Variants in DLG2 observed in about 807,000 individuals in gnomAD.
DLG2 encodes disks large homolog 2.
Under a neutral mutation model 132.5 loss-of-function variants are expected in DLG2, and 45 were observed. The observed-to-expected ratio is 0.34, with a 90% CI of 0.27 to 0.44. DLG2 has a LOEUF of 0.44. Among genes scored for constraint, DLG2 ranks in the 20% least tolerant of loss-of-function variants. DLG2 has a pLI of 1.00. For synonymous variants in DLG2, 424 were observed against 419.6 expected (o/e 1.01, Z -0.13); for missense variants, 1,045 against 1,196.9 (o/e 0.87, Z 1.87).
intron 6 of DLG2, among the ~76,000 whole-genome samples, chr11:84,961,038 A>T (rs1234922458): frequency 6.6e-6 from 1 of 152,062 alleles, no homozygotes; most frequent in African/African-American, 2.4e-5. Flanking sequence ...CTGTAGTTAT[A>T]TATTGAAATG....
chr11:84,268,187 C>T (rs904986868), intron 7 of DLG2, among the ~76,000 whole-genome samples: 1 of 152,180 alleles, frequency 6.6e-6, no homozygotes, highest in African/African-American at 2.4e-5. Context: ...AAAACTGTCT[C>T]AAGACTTTTC....
intron 3 of DLG2, among the ~76,000 whole-genome samples, chr11:85,458,088 G>T (rs1251213564): frequency 6.6e-6 from 1 of 151,830 alleles, no homozygotes; most frequent in Admixed American, 6.6e-5. Context: ...CATAGATTTG[G>T]TTTCTTTACA....
intron 19 of DLG2, chr11:83,632,693 A>G (rs2063776213): frequency 6.7e-6 from 1 of 149,922 alleles, no homozygotes; most frequent in African/African-American, 2.4e-5. Flanking sequence ...ATGGTCTGAG[A>G]AAAAAACTGG....
intron 24 of DLG2, 43 bp from the exon 25 acceptor site, chr11:83,469,416 C>G (rs757300559): frequency 2.0e-6 from 3 of 1,518,446 alleles, no homozygotes; most frequent in South Asian, 1.2e-5. Flanking sequence ...GCATTTATAC[C>G]CATAAACTTG....
chr11:85,068,399 A>G (rs2065260024), intron 6 of DLG2, among the ~76,000 whole-genome samples: 1 of 152,080 alleles, frequency 6.6e-6, no homozygotes, highest in Non-Finnish European at 1.5e-5. Flanking sequence ...TATGTAGGAA[A>G]CCCCATAGTC....
chr11:84,754,894 T>C (rs146830195), intron 6 of DLG2, among the ~76,000 whole-genome samples: 189 of 152,206 alleles, frequency 1.2e-3, no homozygotes, highest in African/African-American at 4.4e-3. Flanking sequence ...GGGGCTGGAG[T>C]ATATGGCAAA....
At chr11:84,060,284 C>A (rs1328395761) in intron 10 of DLG2, among the ~76,000 whole-genome samples, 1 of 152,096 alleles carries the variant, frequency 6.6e-6, no homozygotes, top group Non-Finnish European at 1.5e-5. Context: ...TATACTCCAG[C>A]CTGGGAGACA....
At chr11:84,545,365 C>G (rs1386509099) in intron 6 of DLG2, 6 of 524,740 alleles carry the variant, frequency 1.1e-5, no homozygotes, top group African/African-American at 1.9e-5. Flanking sequence ...TCCATTATAG[C>G]CATCCCACTG....
chr11:84,200,535 G>T (rs964861218), intron 8 of DLG2, among the ~76,000 whole-genome samples: 1 of 152,012 alleles, frequency 6.6e-6, no homozygotes, highest in African/African-American at 2.4e-5. Flanking sequence ...ATTGCTTTGG[G>T]CAGTATGGCC....
intron 6 of DLG2, among the ~76,000 whole-genome samples, chr11:84,655,740 T>TTG: frequency 7.6e-6 from 1 of 130,788 alleles, no homozygotes; most frequent in East Asian, 2.0e-4. Flanking sequence ...TTTTGTTTGT[T>TTG]TTTTTTTTTT....
At position 84,530,055 on chromosome 11, in the gene DLG2, G is replaced by C. The variant is rs375442253; in HGVS notation, c.519+4515C>G. Among the ~76,000 whole-genome samples the C allele has an allele frequency of 1.6e-4, 25 of 152,188 alleles. No individual in the cohort carries two copies. The East Asian group carries it at 3.3e-3, about 20-fold the overall frequency. ...CCGGCAATGGGGAAAGGACTCCCTA[G>C]TCAATAAATGGTGCTGGGACAACTG... On this transcript the variant is annotated intron_variant, in intron 7 of 27. Coordinates refer to ENST00000376104, the MANE Select transcript of DLG2 (RefSeq NM_001142699.3).
intron 6 of DLG2, among the ~76,000 whole-genome samples, chr11:84,805,276 A>G (rs2075863360): frequency 6.6e-6 from 1 of 152,158 alleles, no homozygotes; most frequent in African/African-American, 2.4e-5. Context: ...TTTTATCCCC[A>G]TTTGACAGTG....
At chr11:83,731,685 T>A (rs2091036952) in intron 18 of DLG2, among the ~76,000 whole-genome samples, 1 of 152,252 alleles carries the variant, frequency 6.6e-6, no homozygotes, top group Admixed American at 6.5e-5. Context: ...ATGATATTTC[T>A]GGTTCTAGAT....
chr11:84,557,540 T>C (rs528804090), intron 6 of DLG2, among the ~76,000 whole-genome samples: 1 of 152,330 alleles, frequency 6.6e-6, no homozygotes, highest in Non-Finnish European at 1.5e-5. Context: ...AGCAGTATCA[T>C]ATTGTGGCTA....
At chr11:84,766,125 G>C (rs917326334) in intron 6 of DLG2, among the ~76,000 whole-genome samples, 2 of 151,968 alleles carry the variant, frequency 1.3e-5, no homozygotes, top group African/African-American at 4.8e-5. Context: ...TCCACCAGAG[G>C]GGGAAGGAAC....
intron 3 of DLG2, among the ~76,000 whole-genome samples, chr11:85,527,072 C>T (rs115274691): frequency 3.6e-3 from 553 of 152,110 alleles, no homozygotes; most frequent in African/African-American, 0.012. Context: ...GTCTTGAATA[C>T]AAACTTTCAC....
At chr11:85,155,597 C>T (rs1256000744) in intron 4 of DLG2, among the ~76,000 whole-genome samples, 4 of 152,096 alleles carry the variant, frequency 2.6e-5, no homozygotes, top group African/African-American at 9.7e-5. Flanking sequence ...AGGCCAGGCA[C>T]AATGTCTCAC....
chr11:83,511,273 G>C (rs752769887), intron 21 of DLG2, among the ~76,000 whole-genome samples: 10 of 152,082 alleles, frequency 6.6e-5, no homozygotes, highest in African/African-American at 2.4e-4. Flanking sequence ...TCTTCTGCCT[G>C]GGGAGGAATT....
chr11:85,177,389 A>AC, intron 4 of DLG2, among the ~76,000 whole-genome samples: 1 of 152,042 alleles, frequency 6.6e-6, no homozygotes, highest in Non-Finnish European at 1.5e-5. Flanking sequence ...GTAGAGTTGG[A>AC]ATCTGTTATC....
Sources: gnomAD v4.1 joint callset for allele counts (sites outside exome capture counted in the v4.1 genomes callset) on GRCh38, gnomAD v4.1.1 for gene constraint, MANE v1.5 for transcripts, NCBI Gene and HGNC (gene_info 2026-07-23, HGNC 2026-07-21) for gene names.